Variants in NIN observed in about 807,000 individuals in gnomAD.
NIN encodes the protein ninein.
Under a neutral mutation model 257.6 loss-of-function variants are expected in NIN, and 137 were observed. That is an observed-to-expected ratio of 0.53 (90% CI 0.46 to 0.61). NIN has a LOEUF of 0.61. Ranked by LOEUF, NIN falls within the 20% of genes least tolerant of loss-of-function variation. The probability of loss-of-function intolerance (pLI) is 0.00; values close to 1 mark genes in which losing one functional copy is unlikely to be tolerated. For missense variants in NIN, 2,439 were observed against 2,501.2 expected (o/e 0.98, Z 0.53); for synonymous variants, 918 against 919.8 (o/e 1.00, Z 0.04).
chr14:50,829,402 C>T (rs754498753), intron 2 of NIN, among the ~76,000 whole-genome samples: 9 of 152,126 alleles, frequency 5.9e-5, no homozygotes, highest in Non-Finnish European at 1.2e-4. Context: ...ATCATCAAGC[C>T]TCCGGAATCA....
chr14:50,722,163 GA>G lies in NIN; in HGVS notation c.*1299del, dbSNP rs1016425864. On this transcript the variant is annotated 3_prime_UTR_variant, in exon 31 of 31. Coordinates refer to ENST00000530997, the MANE Select transcript of NIN (RefSeq NM_020921.4). ...TGGCTAGCAGAGATTATAATTGGAA[GA>G]AAAAAAAGGTTACCGAATCTAAAAT... 158 of 226,976 alleles carry G rather than the reference GA, an allele frequency of 7.0e-4. No individual in the cohort carries two copies. Among genetic ancestry groups the G allele is most frequent in the Non-Finnish European group, 1.1e-3 (123 of 114,174 alleles). 14.1% of individuals were successfully genotyped at this position (226,976 alleles called of 1,614,324 possible).
intron 17 of NIN, among the ~76,000 whole-genome samples, chr14:50,759,358 TAAAA>T (rs2042173160): frequency 6.6e-6 from 1 of 152,152 alleles, no homozygotes. Flanking sequence ...CATAACAAAA[TAAAA>T]ACAGTTCCAA....
chr14:50,819,383 T>C (rs2045089253), intron 3 of NIN, among the ~76,000 whole-genome samples: 1 of 152,210 alleles, frequency 6.6e-6, no homozygotes, highest in Non-Finnish European at 1.5e-5. Flanking sequence ...AAGTGAACTG[T>C]GGGGGTAGTT....
At position 50,775,092 on chromosome 14, in the gene NIN, G is replaced by A. The variant is rs115968231; in HGVS notation, c.666+1857C>T. On this transcript the variant is annotated intron_variant, in intron 7 of 30. Coordinates refer to ENST00000530997, the MANE Select transcript of NIN (RefSeq NM_020921.4). ...TGGGTTTAAGACATCAGAAAGTAGC[G>A]AGTGCTGGGAAACTGAACACAGGAG... Among the ~76,000 whole-genome samples the A allele has an allele frequency of 1.4e-3, 210 of 152,320 alleles. 1 individual carries two copies. Among genetic ancestry groups the A allele is most frequent in the African/African-American group, 4.6e-3 (191 of 41,570 alleles).
chr14:50,757,390 A>G lies in NIN; in HGVS notation c.3640T>C (p.Cys1214Arg). ...TGTTTCTTTTCAGAAGCTCGATCACAGTCCGCACATAACATCATTAGCTGT... is the reference window on the plus strand; with the variant it reads ...TGTTTCTTTTCAGAAGCTCGATCACGGTCCGCACATAACATCATTAGCTGT... ...QEQLMMLCAD[C>R]DRASEKKQDL... The change falls in exon 18 of 31, where the codon TGT becomes CGT. Residue 1214 changes from cysteine (C) to arginine (R), a missense_variant. This residue lies in a region of NIN where 2,043 missense variants were observed against 2,050.2 expected (regional missense o/e 1.00). Transcript: ENST00000530997. The G allele has an allele frequency of 1.2e-6, 2 of 1,614,186 alleles. No individual in the cohort carries two copies. Among genetic ancestry groups the G allele is most frequent in the East Asian group, 2.2e-5 (1 of 44,886 alleles).
chr14:50,806,728 T>C lies in NIN; in HGVS notation c.265+9A>G, dbSNP rs1422967915. The C allele has an allele frequency of 2.0e-6, 3 of 1,507,630 alleles. No homozygotes were observed. The highest frequency in any genetic ancestry group is 2.8e-6 in the Non-Finnish European group (3 of 1,089,310). The allele number at this position is 1,507,630 out of a possible 1,614,324, so 93.4% of individuals were successfully genotyped here. On this transcript the variant is annotated intron_variant, in intron 4 of 30. Coordinates refer to ENST00000530997, the MANE Select transcript of NIN (RefSeq NM_020921.4). The stretch of plus-strand genomic sequence containing the variant: ...GGGGAAGGCAGAGAAGAGAAGTGAG[T>C]GACCTTACCTGGTTCTTGAAAGTGT...
At chr14:50,760,520 G>A (rs989011645) in intron 16 of NIN, among the ~76,000 whole-genome samples, 161 bp from the exon 17 acceptor site, 3 of 143,808 alleles carry the variant, frequency 2.1e-5, no homozygotes, top group Admixed American at 7.3e-5. Context: ...AACACTTTAA[G>A]CAAGATACTT....
intron 4 of NIN, among the ~76,000 whole-genome samples, chr14:50,801,264 T>C (rs2142124883): frequency 6.6e-6 from 1 of 152,218 alleles, no homozygotes; most frequent in Admixed American, 6.5e-5. Flanking sequence ...CTAATTTTTG[T>C]ATTTTTAGTA....
In NIN at chr14:50,756,878, T is replaced by C; in HGVS notation, c.4152A>G (p.Ile1384Met). The change falls in exon 18 of 31, where the codon ATA (isoleucine) becomes ATG (methionine). Residue 1384 changes from isoleucine (I) to methionine (M), a missense_variant. Physicochemically the swap from Ile to Met is conservative, Grantham distance 10. Around this residue, in one of 3 missense-constraint regions of NIN, gnomAD observed 2,043 missense variants for 2,050.2 expected, o/e 1.00. Coordinates refer to ENST00000530997, the MANE Select transcript of NIN (RefSeq NM_020921.4). The part of the protein sequence containing the change: ...VPRVRSVHHV[I>M]EECKQENQYL... ...ACTGGTTTTCTTGCTTACATTCCTC[T>C]ATGACATGATGTACACTCCTAACCC... 6 of 1,553,256 alleles carry C rather than the reference T, an allele frequency of 3.9e-6. No homozygotes were observed. Among genetic ancestry groups the C allele is most frequent in the Middle Eastern group, 1.7e-4 (1 of 5,992 alleles).
At chr14:50,788,866 G>A (rs1008380590) in intron 5 of NIN, among the ~76,000 whole-genome samples, 1 of 152,300 alleles carries the variant, frequency 6.6e-6, no homozygotes, top group Admixed American at 6.5e-5. Context: ...CTGTTGAGTA[G>A]CAACAGTCAG....
intron 3 of NIN, among the ~76,000 whole-genome samples, chr14:50,816,686 G>A (rs1341520921): frequency 1.3e-5 from 2 of 152,118 alleles, no homozygotes; most frequent in Non-Finnish European, 2.9e-5. Context: ...AGAACTTTAA[G>A]TCCCCTCTGT....
chr14:50,727,402 T>G (rs2040460892), intron 29 of NIN: 1 of 1,069,980 alleles, frequency 9.3e-7, no homozygotes, highest in Admixed American at 4.8e-5. Flanking sequence ...ATATATAGAC[T>G]ACATCCTTTC....
At position 50,766,405 on chromosome 14, in the gene NIN, G is replaced by A. The variant is rs778802754; in HGVS notation, c.1546-9C>T. 1 of 1,613,754 alleles carries A rather than the reference G, an allele frequency of 6.2e-7. No individual in the cohort carries two copies. Among genetic ancestry groups the A allele is most frequent in the East Asian group, 2.2e-5 (1 of 44,880 alleles). On this transcript the variant is annotated splice_polypyrimidine_tract_variant and intron_variant, in intron 13 of 30. Coordinates refer to ENST00000530997, the MANE Select transcript of NIN (RefSeq NM_020921.4). ...GGATCGAGGTCACCAAACTAGAAGG[G>A]GAAAAGGGCAAAGCTGTCATTTTTC...
chr14:50,720,892 T>A lies in NIN; in HGVS notation c.*2571A>T. The A allele has an allele frequency of 5.1e-6, 1 of 197,846 alleles. No individual in the cohort carries two copies. Among genetic ancestry groups the A allele is most frequent in the East Asian group, 8.0e-5 (1 of 12,566 alleles). The allele number at this position is 197,846 out of a possible 1,614,324, so 12.3% of individuals were successfully genotyped here. On this transcript the variant is annotated 3_prime_UTR_variant, in exon 31 of 31. Coordinates refer to ENST00000530997, the MANE Select transcript of NIN (RefSeq NM_020921.4). ...TTCTGAGACGATCTTAAATAATTGT[T>A]CTTAAATCAAAAAGTTTGAAAATCA...
rs372422633 is a variant in NIN at position 50,771,387 on chromosome 14, T to C, written c.1063A>G (p.Asn355Asp). 67 of 1,614,136 alleles carry C rather than the reference T, an allele frequency of 4.2e-5. No homozygotes were observed. Among genetic ancestry groups the C allele is most frequent in the Non-Finnish European group, 5.7e-5 (67 of 1,180,052 alleles). Residue 355 changes from asparagine (N) to aspartate (D), a missense_variant, in exon 10 of 31, where the codon AAC becomes GAC. Coordinates refer to ENST00000530997, the MANE Select transcript of NIN (RefSeq NM_020921.4). ...ALENELLVTK[N>D]SIHQAALASF... ...GCCAGAGCCGCCTGGTGAATGCTGTTCTTGGTAACCAAAAGTTCATTTTCA... is the reference window on the plus strand; with the variant it reads ...GCCAGAGCCGCCTGGTGAATGCTGTCCTTGGTAACCAAAAGTTCATTTTCA...
rs779966880 is a variant in NIN at position 50,743,470 on chromosome 14, G to C, written c.5247C>G (p.Ser1749=). The change falls in exon 24 of 31, where the codon TCC becomes TCG. Residue 1749 remains serine (S), a synonymous_variant. Transcript: ENST00000530997. ...RIATMKQEQK[S]WEHQSASLKS... ...TTAAGCTCGCACTCTGATGTTCCCA[G>C]GATTTCTGTTCCTGCTTCATCGTCG... The C allele has an allele frequency of 3.7e-6, 6 of 1,613,868 alleles. No homozygotes were observed. The South Asian group carries it at 6.6e-5, about 18-fold the overall frequency.
intron 12 of NIN, among the ~76,000 whole-genome samples, chr14:50,768,356 G>C (rs2042592553): frequency 6.6e-6 from 1 of 152,160 alleles, no homozygotes; most frequent in African/African-American, 2.4e-5. Flanking sequence ...ACAACATAGA[G>C]TAATCTCTGT....
At chr14:50,752,420 A>G in intron 21 of NIN, 98 bp downstream of exon 21, 1 of 900,742 alleles carries the variant, frequency 1.1e-6, no homozygotes, top group Non-Finnish European at 1.8e-6. Context: ...TACTGTTTTA[A>G]TTACTAAGGC....
At chr14:50,733,114 A>G (rs1433221596) in intron 28 of NIN, among the ~76,000 whole-genome samples, 2 of 150,288 alleles carry the variant, frequency 1.3e-5, no homozygotes, top group Non-Finnish European at 3.0e-5. Flanking sequence ...TTTTTTTGAG[A>G]TGGAGTCTTG....
Sources: allele counts gnomAD v4.1 joint callset (sites outside exome capture counted in the v4.1 genomes callset), GRCh38; gene constraint gnomAD v4.1.1; regional missense constraint gnomAD v4.1.1; transcripts MANE v1.5; gene names NCBI Gene and HGNC (gene_info 2026-07-23, HGNC 2026-07-21).